The following SORCS1 variants were observed in gnomAD, a reference collection of about 807,000 sequenced individuals.
SORCS1 encodes the protein sortilin related VPS10 domain containing receptor 1.
In SORCS1, 60 loss-of-function variants were observed where a neutral mutation model predicts 146.1. That is an observed-to-expected ratio of 0.41 (90% confidence interval 0.33 to 0.51). The LOEUF (loss-of-function observed/expected upper bound fraction) is 0.51. Ranked by LOEUF, SORCS1 falls within the 20% of genes least tolerant of loss-of-function variation. SORCS1 has a pLI of 0.21. For synonymous variants in SORCS1, 637 were observed against 584.0 expected (o/e 1.09, Z -1.31); for missense variants, 1,352 against 1,487.6 (o/e 0.91, Z 1.50).
In SORCS1 at chr10:106,695,703, T is replaced by C. The variant is rs991427250; in HGVS notation, c.1413+3511A>G. On this transcript the variant is annotated intron_variant, in intron 9 of 25. Coordinates refer to ENST00000263054, the MANE Select transcript of SORCS1 (RefSeq NM_052918.5). The stretch of plus-strand genomic sequence containing the variant: ...TATTAGCCATTATTAATGATATCAA[T>C]TAATGATATTAATGATAACAAAATT... Among the ~76,000 whole-genome samples, 5 of 21,552 alleles carry C rather than the reference T, an allele frequency of 2.3e-4. No individual in the cohort carries two copies. The South Asian group carries it at 4.4e-3, about 19-fold the overall frequency. 14.1% of individuals were successfully genotyped at this position (21,552 alleles called of 152,430 possible). A position where few individuals can be genotyped will look rare whatever the true frequency, so the allele number is the denominator to read the frequency against.
chr10:106,837,812 T>A (rs1948847120), intron 2 of SORCS1, among the ~76,000 whole-genome samples: 1 of 152,040 alleles, frequency 6.6e-6, no homozygotes, highest in Non-Finnish European at 1.5e-5. Flanking sequence ...AGATACCTAA[T>A]AGACAACTGT....
chr10:106,902,427 G>C (rs1012052664), intron 2 of SORCS1, among the ~76,000 whole-genome samples: 1 of 151,904 alleles, frequency 6.6e-6, no homozygotes, highest in Admixed American at 6.6e-5. Context: ...ACAAGAAAAA[G>C]AAATAAATGA....
intron 3 of SORCS1, among the ~76,000 whole-genome samples, chr10:106,801,616 G>T (rs991170101): frequency 7.7e-5 from 11 of 142,954 alleles, no homozygotes; most frequent in African/African-American, 2.4e-4. Context: ...GCAAAGCTCC[G>T]CCTCCCAGGT....
intron 18 of SORCS1, among the ~76,000 whole-genome samples, chr10:106,631,724 C>T (rs1198786837): frequency 6.6e-6 from 1 of 152,156 alleles, no homozygotes; most frequent in African/African-American, 2.4e-5. Flanking sequence ...CTTCAGCCTC[C>T]ATTGAGAGAC....
chr10:106,620,627 C>T (rs1847678898), intron 19 of SORCS1, 66 bp from the exon 20 acceptor site: 2 of 1,542,838 alleles, frequency 1.3e-6, no homozygotes. Context: ...CCTCCCTGCT[C>T]TGAAGAGATC....
At chr10:106,722,493 T>C (rs920336919) in intron 6 of SORCS1, among the ~76,000 whole-genome samples, 1 of 152,210 alleles carries the variant, frequency 6.6e-6, no homozygotes, top group African/African-American at 2.4e-5. Flanking sequence ...TTTCTGCTTG[T>C]TAAAATGCTA....
chr10:106,937,737 G>A (rs1389224068), intron 2 of SORCS1, among the ~76,000 whole-genome samples: 1 of 152,130 alleles, frequency 6.6e-6, no homozygotes, highest in Non-Finnish European at 1.5e-5. Context: ...GCTGAGGCAG[G>A]TGGATCACCT....
the SORCS1 span, among the ~76,000 whole-genome samples, chr10:107,174,241 T>TG: frequency 6.6e-6 from 1 of 152,234 alleles, no homozygotes; most frequent in African/African-American, 2.4e-5. Context: ...AGTCTTGCTC[T>TG]GTCACCCAGG....
intron 2 of SORCS1, among the ~76,000 whole-genome samples, chr10:106,840,174 TG>T (rs1948963651): frequency 6.6e-6 from 1 of 152,164 alleles, no homozygotes; most frequent in Non-Finnish European, 1.5e-5. Flanking sequence ...CTGAAAGATC[TG>T]GGGGCAAAAT....
At chr10:106,679,060 G>A (rs1043987003) in intron 12 of SORCS1, among the ~76,000 whole-genome samples, 196 bp downstream of exon 12, 30 of 151,926 alleles carry the variant, frequency 2.0e-4, no homozygotes, top group Admixed American at 2.6e-4. Flanking sequence ...TTTATTAAAT[G>A]ATAAAAAATC....
Position 106,761,606 on chromosome 10 carries a change from A to G in SORCS1, c.941T>C (p.Val314Ala). Residue 314 changes from valine (V) to alanine (A), a missense_variant, in exon 5 of 26, where the codon GTA becomes GCA. By Grantham distance (64) the Val-to-Ala change is moderately conservative. Around this residue, in one of 3 missense-constraint regions of SORCS1, gnomAD observed 490 missense variants for 489.1 expected, o/e 1.00. Coordinates refer to ENST00000263054, the MANE Select transcript of SORCS1 (RefSeq NM_052918.5). ...GACTTACCAGTAGAACCTGTTTGGT[A>G]CAACCCCTTCTTGGATAAGCTGCCA... ...RRWQLIQEGV[V>A]PNRFYWSVMG... 6.2e-7 allele frequency: 1 copy of G among 1,614,162 alleles called. No individual in the cohort carries two copies. The highest frequency in any genetic ancestry group is 8.5e-7 in the Non-Finnish European group (1 of 1,179,982).
chr10:107,012,895 C>G (rs534821940), intron 1 of SORCS1, among the ~76,000 whole-genome samples: 2 of 152,182 alleles, frequency 1.3e-5, no homozygotes, highest in African/African-American at 4.8e-5. Flanking sequence ...AAGGATGCAT[C>G]CTAAGCTATG....
chr10:107,073,673 T>C (rs780158300), intron 1 of SORCS1, among the ~76,000 whole-genome samples: 8 of 152,194 alleles, frequency 5.3e-5, no homozygotes, highest in Admixed American at 2.6e-4. Flanking sequence ...CCAAGTCATA[T>C]AGCTAGTAAA....
At chr10:106,647,064 TTG>T (rs1231775352) in intron 18 of SORCS1, among the ~76,000 whole-genome samples, 11 of 146,318 alleles carry the variant, frequency 7.5e-5, no homozygotes, top group Non-Finnish European at 1.6e-4. Flanking sequence ...TCATCCAAAT[TTG>T]TGAGTCACCT....
chr10:107,168,666 CTTTTTTTTTTT>C (rs57998261), upstream of SORCS1, among the ~76,000 whole-genome samples: 1 of 119,272 alleles, frequency 8.4e-6, no homozygotes. Context: ...CAGCTCATGC[CTTTTTTTTTTT>C]TTTTTTTTTT....
chr10:107,136,611 C>T (rs987323552), intron 1 of SORCS1, among the ~76,000 whole-genome samples: 6 of 152,160 alleles, frequency 3.9e-5, no homozygotes, highest in African/African-American at 1.4e-4. Context: ...TTGCAAAGTG[C>T]TTAGGTACAG....
chr10:106,686,649 A>G (rs1472529240), intron 10 of SORCS1, among the ~76,000 whole-genome samples: 2 of 152,228 alleles, frequency 1.3e-5, no homozygotes, highest in Admixed American at 6.5e-5. Flanking sequence ...TGCACTTACT[A>G]TAACAACTGG....
At chr10:106,902,898 G>A (rs1421641373) in intron 2 of SORCS1, among the ~76,000 whole-genome samples, 1 of 152,176 alleles carries the variant, frequency 6.6e-6, no homozygotes, top group African/African-American at 2.4e-5. Context: ...CTAACATGGT[G>A]AAACCGTGCC....
At chr10:106,761,705 A>G in intron 4 of SORCS1, 44 bp from the exon 5 acceptor site, 1 of 1,483,800 alleles carries the variant, frequency 6.7e-7, no homozygotes, top group Non-Finnish European at 9.4e-7. Flanking sequence ...TCTATAGTAC[A>G]TCAAATACAC....
Sources: gnomAD v4.1 joint callset for allele counts (sites outside exome capture counted in the v4.1 genomes callset) on GRCh38, gnomAD v4.1.1 for gene constraint, gnomAD v4.1.1 regional missense constraint, MANE v1.5 for transcripts, NCBI Gene and HGNC (gene_info 2026-07-23, HGNC 2026-07-21) for gene names.